PDXDC1: variants seen among roughly 807,000 people sequenced by gnomAD.
PDXDC1 encodes the protein pyridoxal dependent decarboxylase domain containing 1.
Under a neutral mutation model 100.1 loss-of-function variants are expected in PDXDC1, and 42 were observed. That is an observed-to-expected ratio of 0.42 (90% confidence interval 0.33 to 0.54). The LOEUF is 0.54. Among genes scored for constraint, PDXDC1 ranks in the 20% least tolerant of loss-of-function variants. The pLI is 0.10. For synonymous variants in PDXDC1, 260 were observed against 371.7 expected, an observed-to-expected ratio of 0.70 and a Z score of 3.46; for missense variants, 636 against 979.2, an observed-to-expected ratio of 0.65 and a Z score of 4.68.
In PDXDC1 at chr16:15,094,259, G is replaced by T; in HGVS notation, c.1400-44620G>T. On this transcript the variant is annotated intron_variant, in intron 16 of 16. Transcript: ENST00000535621. ...TGGGCCGAACTAACGCGACCGCTGC[G>T]CCTCAGGCCGGATGCCCAGCTCCTT... The T allele has an allele frequency of 2.0e-6, 3 of 1,531,048 alleles. No individual in the cohort carries two copies. The South Asian group carries it at 3.6e-5, about 18-fold the overall frequency. 94.8% of individuals were successfully genotyped at this position (1,531,048 alleles called of 1,614,324 possible).
chr16:15,029,948 C>T lies in PDXDC1; in HGVS notation c.1294-3C>T, dbSNP rs531799225. The T allele has an allele frequency of 1.9e-6, 3 of 1,552,512 alleles. No individual in the cohort carries two copies. The highest frequency in any genetic ancestry group is 2.7e-5 in the African/African-American group (2 of 73,300). On this transcript the variant is annotated splice_polypyrimidine_tract_variant and splice_region_variant and intron_variant, in intron 15 of 22. Transcript: ENST00000396410. Reference sequence around the variant, plus strand: ...GAGGGTGTTCATTGTGTCCTCCTCACAGCTGGGAGAACAGCTGAAGCAGCT... The same window carrying T: ...GAGGGTGTTCATTGTGTCCTCCTCATAGCTGGGAGAACAGCTGAAGCAGCT...
At chr16:15,034,423 C>T in intron 20 of PDXDC1, 34 bp from the exon 21 acceptor site, 1 of 1,612,784 alleles carries the variant, frequency 6.2e-7, no homozygotes, top group African/African-American at 1.3e-5. Flanking sequence ...CGCCGTGAGG[C>T]CAGGTGGCCC....
At chr16:15,033,746 G>A (rs1285811798) in intron 19 of PDXDC1, among the ~76,000 whole-genome samples, 1 of 152,190 alleles carries the variant, frequency 6.6e-6, no homozygotes, top group African/African-American at 2.4e-5. Context: ...TGTCCTGAGG[G>A]TGAATGAAAT....
chr16:15,152,014 G>A, the PDXDC1 span, among the ~76,000 whole-genome samples: 1 of 149,042 alleles, frequency 6.7e-6, no homozygotes, highest in East Asian at 1.9e-4. Flanking sequence ...TGGGGTGGGG[G>A]GTCTGTGAGT....
chr16:15,031,997 A>G, intron 17 of PDXDC1, 91 bp downstream of exon 17: 2 of 1,122,642 alleles, frequency 1.8e-6, no homozygotes, highest in Middle Eastern at 2.0e-4. Flanking sequence ...GAAATCCAAG[A>G]TGAACGTGTA....
intron 16 of PDXDC1, among the ~76,000 whole-genome samples, chr16:15,043,955 G>GA (rs962627544): frequency 2.1e-4 from 31 of 149,532 alleles, no homozygotes; most frequent in East Asian, 1.4e-3. Flanking sequence ...CTCAAAAAAA[G>GA]AAAAAAAAAG....
intron 16 of PDXDC1, among the ~76,000 whole-genome samples, chr16:15,071,461 T>C (rs904642822): frequency 6.6e-6 from 1 of 152,142 alleles, no homozygotes; most frequent in Non-Finnish European, 1.5e-5. Context: ...ATCCCAAACC[T>C]AGCTAAGCAT....
At chr16:15,066,970 G>A (rs917638177) in intron 16 of PDXDC1, among the ~76,000 whole-genome samples, 21 of 151,524 alleles carry the variant, frequency 1.4e-4, no homozygotes, top group Non-Finnish European at 1.9e-4. Flanking sequence ...TCCCCACCCC[G>A]AGAACATACC....
intron 16 of PDXDC1, chr16:15,084,752 G>T (rs775307362): frequency 7.5e-7 from 1 of 1,332,388 alleles, no homozygotes; most frequent in Non-Finnish European, 1.1e-6. Flanking sequence ...CAAAACTGAA[G>T]GGCGACACGC....
intron 16 of PDXDC1, chr16:15,137,364 G>A: frequency 6.6e-7 from 1 of 1,517,358 alleles, no homozygotes. Flanking sequence ...CTAGAGGGCT[G>A]GGCCGCCCCA....
intron 16 of PDXDC1, among the ~76,000 whole-genome samples, chr16:15,091,676 T>C (rs1205383505): frequency 2.0e-5 from 3 of 152,230 alleles, no homozygotes; most frequent in African/African-American, 4.8e-5. Flanking sequence ...CAGCCAGCTA[T>C]AATGATCTAA....
At position 15,036,186 on chromosome 16, in the gene PDXDC1, C is replaced by T; in HGVS notation, c.2278C>T (p.His760Tyr). 1 of 1,614,130 alleles carries T rather than the reference C, an allele frequency of 6.2e-7. No homozygotes were observed. Among genetic ancestry groups the T allele is most frequent in the Non-Finnish European group, 8.5e-7 (1 of 1,180,002 alleles). The change falls in exon 23 of 23, where the codon CAC becomes TAC. Residue 760 changes from histidine to tyrosine, a missense_variant. By Grantham distance (83) the His-to-Tyr change is moderately conservative. Coordinates refer to ENST00000396410, the MANE Select transcript of PDXDC1 (RefSeq NM_015027.4). ...EGHPGAPSPQ[H>Y]TDQTEAFQKG... ...ACACCCAGGGGCTCCCAGCCCTCAG[C>T]ACACCGACCAGACCGAGGCCTTCCA...
downstream of PDXDC1, among the ~76,000 whole-genome samples, chr16:15,041,456 A>G (rs1276953663): frequency 3.3e-5 from 5 of 152,068 alleles, no homozygotes; most frequent in African/African-American, 4.8e-5. Context: ...CAGATGGTGG[A>G]CGAGGGCAAG....
In PDXDC1 at chr16:15,137,784, G is replaced by A. The variant is rs1165233815; in HGVS notation, c.1400-1095G>A. 4 of 1,572,430 alleles carry A rather than the reference G, an allele frequency of 2.5e-6. No homozygotes were observed. In the East Asian group the frequency reaches 6.9e-5, roughly 27 times the overall value. On this transcript the variant is annotated intron_variant, in intron 16 of 16. Coordinates refer to the PDXDC1 transcript ENST00000535621. ...CCACTGTCCAGCAAGGGGATGCCAA[G>A]CAGAGGCTGGCCAGCCAGGGAGTCA...
At chr16:15,144,742 C>T in the PDXDC1 span, among the ~76,000 whole-genome samples, 2 of 152,032 alleles carry the variant, frequency 1.3e-5, no homozygotes, top group Non-Finnish European at 2.9e-5. Flanking sequence ...ACTCCGGCCT[C>T]GGAGGCTGAA....
chr16:15,058,983 T>C (rs554300139), intron 16 of PDXDC1, among the ~76,000 whole-genome samples: 1 of 152,288 alleles, frequency 6.6e-6, no homozygotes, highest in African/African-American at 2.4e-5. Context: ...AGAGTCAGAC[T>C]GAAACACACA....
intron 16 of PDXDC1, chr16:15,104,484 CTTGAGA>C (rs1410479597): frequency 7.3e-7 from 1 of 1,368,684 alleles, no homozygotes. Context: ...CGGGAGGTGT[CTTGAGA>C]TTATCATCCG....
chr16:15,148,386 T>TTTTTTTC, the PDXDC1 span, among the ~76,000 whole-genome samples: 1 of 120,886 alleles, frequency 8.3e-6, no homozygotes, highest in African/African-American at 3.3e-5. Context: ...TTTTTTTTTT[T>TTTTTTTC]TTTTTTTTTT....
At chr16:14,990,292 G>C (rs1186133447) in intron 1 of PDXDC1, 2 of 229,608 alleles carry the variant, frequency 8.7e-6, no homozygotes, top group African/African-American at 4.7e-5. Context: ...CGCAACCGCC[G>C]CAGCAGCCGC....
Sources: gnomAD v4.1 joint callset for allele counts (sites outside exome capture counted in the v4.1 genomes callset) on GRCh38, gnomAD v4.1.1 for gene constraint, MANE v1.5 for transcripts, NCBI Gene and HGNC (gene_info 2026-07-23, HGNC 2026-07-21) for gene names.